Variants in GPHN observed in about 807,000 individuals in gnomAD.
GPHN encodes the protein gephyrin.
Under a neutral mutation model 95.5 loss-of-function variants are expected in GPHN, and 17 were observed. The ratio of observed to expected loss-of-function variants is 0.18; its 90% CI spans 0.12 to 0.27. GPHN has a LOEUF of 0.27. GPHN is among the 10% of genes least tolerant of loss of function. GPHN has a pLI of 1.00. For synonymous variants in GPHN, 320 were observed against 322.5 expected (o/e 0.99, Z 0.08); for missense variants, 660 against 978.1 (o/e 0.67, Z 4.34).
chr14:67,718,952 T>C, the GPHN span, among the ~76,000 whole-genome samples: 23 of 152,210 alleles, frequency 1.5e-4, no homozygotes, highest in African/African-American at 3.4e-4. Flanking sequence ...ATTAAGGCCA[T>C]TGGGGCAGAG....
At chr14:66,563,764 A>T (rs2060356606) in intron 1 of GPHN, among the ~76,000 whole-genome samples, 2 of 151,464 alleles carry the variant, frequency 1.3e-5, no homozygotes, top group South Asian at 4.2e-4. Context: ...TTTTATTTTT[A>T]TTTTTTTTCT....
At chr14:67,715,834 C>T in the GPHN span, among the ~76,000 whole-genome samples, 1 of 152,172 alleles carries the variant, frequency 6.6e-6, no homozygotes, top group Non-Finnish European at 1.5e-5. Context: ...TTCATGCAAA[C>T]CTTGGTTCCA....
At chr14:66,704,702 A>G (rs972943851) in intron 2 of GPHN, among the ~76,000 whole-genome samples, 19 of 152,206 alleles carry the variant, frequency 1.2e-4, no homozygotes, top group African/African-American at 3.9e-4. Flanking sequence ...TGCCCACATC[A>G]GAAAGCTAGA....
chr14:66,681,336 A>G (rs1241159487), intron 2 of GPHN, 151 bp downstream of exon 2: 10 of 621,188 alleles, frequency 1.6e-5, no homozygotes, highest in Non-Finnish European at 2.9e-5. Context: ...GTCTGACAGA[A>G]CAGTTCAGAA....
chr14:66,989,593 G>A (rs1594746193), intron 9 of GPHN, among the ~76,000 whole-genome samples: 1 of 139,870 alleles, frequency 7.1e-6, no homozygotes, highest in African/African-American at 2.6e-5. Flanking sequence ...TGATTACCTT[G>A]TTTCTAAAAA....
chr14:66,821,469 A>G (rs1408283577), intron 3 of GPHN, among the ~76,000 whole-genome samples: 1 of 152,316 alleles, frequency 6.6e-6, no homozygotes, highest in East Asian at 1.9e-4. Flanking sequence ...CTAGACAACT[A>G]TAGACTAAGA....
the GPHN span, among the ~76,000 whole-genome samples, chr14:67,466,763 C>CCA: frequency 6.6e-6 from 1 of 152,122 alleles, no homozygotes. Context: ...GAGGCCAAGG[C>CCA]AGGTGGATCA....
At chr14:67,678,165 G>A in the GPHN span, 2 of 579,808 alleles carry the variant, frequency 3.4e-6, no homozygotes, top group Non-Finnish European at 6.2e-6. Context: ...GAATCTGGCA[G>A]TACACTGAGT....
intron 1 of GPHN, among the ~76,000 whole-genome samples, chr14:66,517,126 CAAAAAAAAAAAAA>C (rs1171024713): frequency 9.7e-5 from 3 of 31,014 alleles, no homozygotes; most frequent in East Asian, 7.8e-4. Context: ...GACTCCATCT[CAAAAAAAAAAAAA>C]AAAAAAAAAA....
At chr14:67,473,192 T>C in the GPHN span, 5 of 589,506 alleles carry the variant, frequency 8.5e-6, no homozygotes, top group East Asian at 1.2e-4. The surrounding 1 kb of genome is among the most constrained non-coding windows in gnomAD (Gnocchi z 6.5). Context: ...CCGCGATCCA[T>C]GGACCCTTCC....
intron 4 of GPHN, among the ~76,000 whole-genome samples, chr14:66,873,452 C>G (rs1463559432): frequency 2.6e-5 from 4 of 152,160 alleles, no homozygotes; most frequent in Admixed American, 6.5e-5. Context: ...AGCCAGGGAG[C>G]AAATTGGTCT....
chr14:66,732,022 A>G (rs1044873493), intron 2 of GPHN, among the ~76,000 whole-genome samples: 11 of 152,198 alleles, frequency 7.2e-5, no homozygotes, highest in Non-Finnish European at 1.5e-4. Context: ...ATTGAGTTTT[A>G]GGAACCTCCA....
intron 17 of GPHN, among the ~76,000 whole-genome samples, chr14:67,134,848 TTCTC>T (rs1426918384): frequency 6.6e-6 from 1 of 151,530 alleles, no homozygotes; most frequent in Non-Finnish European, 1.5e-5. Context: ...CCTTCTTTCT[TTCTC>T]TTTCTCTTTC....
At chr14:66,523,676 G>C (rs1024202352) in intron 1 of GPHN, among the ~76,000 whole-genome samples, 2 of 152,064 alleles carry the variant, frequency 1.3e-5, no homozygotes, top group African/African-American at 4.8e-5. Flanking sequence ...GCCTGCCTTA[G>C]AGGGTTGTTG....
the GPHN span, among the ~76,000 whole-genome samples, chr14:67,552,542 C>T: frequency 1.3e-4 from 20 of 152,144 alleles, no homozygotes; most frequent in South Asian, 4.1e-4. Flanking sequence ...CCGAGGTGGG[C>T]GGATCACGAG....
chr14:66,803,988 A>G (rs530422389), intron 3 of GPHN, among the ~76,000 whole-genome samples: 30 of 151,058 alleles, frequency 2.0e-4, no homozygotes, highest in Non-Finnish European at 3.5e-4. Flanking sequence ...TAAACTTTCA[A>G]TGCATCTCTT....
chr14:67,063,929 C>A (rs2075928450), intron 11 of GPHN, among the ~76,000 whole-genome samples: 1 of 152,250 alleles, frequency 6.6e-6, no homozygotes, highest in Non-Finnish European at 1.5e-5. Flanking sequence ...TTATTTCTTT[C>A]TTTTGCCTGA....
chr14:67,208,399 A>G, the GPHN span: 4 of 1,613,924 alleles, frequency 2.5e-6, no homozygotes, highest in Non-Finnish European at 3.4e-6. Context: ...AGACCTCTGA[A>G]GAAAAGATGC....
chr14:67,658,278 G>A, the GPHN span, among the ~76,000 whole-genome samples: 1 of 152,154 alleles, frequency 6.6e-6, no homozygotes, highest in Non-Finnish European at 1.5e-5. Flanking sequence ...TGAAGGTATG[G>A]ATACCTAAAT....
Sources: gnomAD v4.1 joint callset for allele counts (sites outside exome capture counted in the v4.1 genomes callset) on GRCh38, gnomAD v4.1.1 for gene constraint, Gnocchi (gnomAD v3.1) non-coding constraint, MANE v1.5 for transcripts, NCBI Gene and HGNC (gene_info 2026-07-23, HGNC 2026-07-21) for gene names.